Variants in SYT6 observed in about 807,000 individuals in gnomAD.
The protein encoded by SYT6 is synaptotagmin-6.
SYT6 carries 24 observed loss-of-function variants against 38.4 expected under a neutral mutation model. The ratio of observed to expected loss-of-function variants is 0.62; its 90% CI spans 0.45 to 0.88. The LOEUF is 0.88. SYT6 is among the 40% of genes least tolerant of loss of function. The pLI, the probability that SYT6 is intolerant of heterozygous loss-of-function variation, is 0.00. For missense variants in SYT6, 611 were observed against 621.0 expected, an observed-to-expected ratio of 0.98 and a Z score of 0.17; for synonymous variants, 265 against 241.9, an observed-to-expected ratio of 1.10 and a Z score of -0.89.
intron 3 of SYT6, among the ~76,000 whole-genome samples, chr1:114,107,739 C>T (rs143663595): frequency 8.5e-4 from 129 of 152,340 alleles, no homozygotes; most frequent in African/African-American, 2.3e-3. Flanking sequence ...GGCCCCAGCT[C>T]GGCCCTCACC....
At chr1:114,139,528 T>C in intron 2 of SYT6, 87 bp downstream of exon 2, 5 of 1,547,660 alleles carry the variant, frequency 3.2e-6, no homozygotes, top group Non-Finnish European at 4.4e-6. Context: ...ATTTCTGGTC[T>C]GTGATCCCCA....
At chr1:114,101,497 CTTA>C (rs2101631108) in intron 4 of SYT6, among the ~76,000 whole-genome samples, 1 of 152,256 alleles carries the variant, frequency 6.6e-6, no homozygotes, top group Non-Finnish European at 1.5e-5. Context: ...CATACTGGTC[CTTA>C]TTATTATTTT....
Position 114,137,882 on chromosome 1 carries a change from C to G in SYT6, c.684G>C (p.Lys228Asn), listed in dbSNP as rs1195421458. Residue 228 changes from lysine to asparagine, a missense_variant, in exon 3 of 8, where the codon AAG (lysine) becomes AAC (asparagine). Physicochemically the swap from Lys to Asn is moderately conservative, Grantham distance 94. Transcript: ENST00000610222. The part of the protein sequence containing the change: ...DGEDAKSEAT[K>N]SCGKINFSLR... Reference sequence around the variant, plus strand: ...GGCTGAAGTTGATCTTCCCGCAGCTCTTGGTGGCCTCAGACTTGGCATCCT... The same window carrying G: ...GGCTGAAGTTGATCTTCCCGCAGCTGTTGGTGGCCTCAGACTTGGCATCCT... 1 of 1,614,072 alleles carries G rather than the reference C, an allele frequency of 6.2e-7. No individual in the cohort carries two copies. Among genetic ancestry groups the G allele is most frequent in the East Asian group, 2.2e-5 (1 of 44,874 alleles).
intron 3 of SYT6, among the ~76,000 whole-genome samples, chr1:114,120,442 G>C (rs565744228): frequency 1.3e-5 from 2 of 152,238 alleles, no homozygotes; most frequent in South Asian, 4.1e-4. Flanking sequence ...CATTGTGTAG[G>C]GGACTCGCTG....
intron 3 of SYT6, among the ~76,000 whole-genome samples, chr1:114,128,190 G>A (rs184804819): frequency 8.5e-5 from 13 of 152,330 alleles, no homozygotes; most frequent in East Asian, 7.7e-4. Context: ...TGGGGCTTCC[G>A]TGTAACCCTG....
rs1444042059 is a variant in SYT6, at chr1:114,090,231, G to A, written c.*1903C>T. 1 of 152,282 alleles carries A rather than the reference G, an allele frequency of 6.6e-6. No homozygotes were observed. The highest frequency in any genetic ancestry group is 1.5e-5 in the Non-Finnish European group (1 of 68,020). The allele number at this position is 152,282 out of a possible 1,614,324, so 9.4% of individuals were successfully genotyped here. On this transcript the variant is annotated 3_prime_UTR_variant, in exon 8 of 8. Transcript: ENST00000610222. ...TGCCAGGAATCTTGTCATGACCTTG[G>A]GTTTTTTCTCACTCTCAGGAGAACA...
intron 3 of SYT6, among the ~76,000 whole-genome samples, chr1:114,112,212 G>A (rs1192766991): frequency 6.6e-6 from 1 of 152,218 alleles, no homozygotes; most frequent in African/African-American, 2.4e-5. Context: ...CAGAGCTAAG[G>A]ACTGCCCCAT....
At chr1:114,138,108 G>A in intron 2 of SYT6, 55 bp from the exon 3 acceptor site, 2 of 1,526,902 alleles carry the variant, frequency 1.3e-6, no homozygotes, top group South Asian at 1.3e-5. Context: ...AGGGGAAGGG[G>A]GATGAAGGCA....
intron 1 of SYT6, among the ~76,000 whole-genome samples, chr1:114,153,252 C>G (rs1679540993): frequency 6.6e-6 from 1 of 152,222 alleles, no homozygotes; most frequent in Non-Finnish European, 1.5e-5. Context: ...TCGTCTCCCG[C>G]TCTCTCCATG....
At chr1:114,141,328 G>T (rs1678853636) in intron 1 of SYT6, among the ~76,000 whole-genome samples, 1 of 152,234 alleles carries the variant, frequency 6.6e-6, no homozygotes, top group Non-Finnish European at 1.5e-5. Context: ...CAGTCTTATT[G>T]CTGATGTGAA....
Position 114,150,762 on chromosome 1 carries a change from C to A in SYT6, c.163+2848G>T, listed in dbSNP as rs185373614. Among the ~76,000 whole-genome samples, 606 of 152,220 alleles carry A rather than the reference C, an allele frequency of 4.0e-3. 1 individual carries two copies. The highest frequency in any genetic ancestry group is 4.7e-3 in the Non-Finnish European group (318 of 68,014). On this transcript the variant is annotated intron_variant, in intron 1 of 7. Transcript: ENST00000610222. ...GGGGTGTATTAAGGAGAATAGCAGG[C>A]CTATGGCTTCAGAGTTTTTAAAGAA...
Position 114,153,720 on chromosome 1 carries a change from ACCGCGAGCGCCTCCTGGCACCGAGGC to A in SYT6, c.27_52del (p.Cys12LeufsTer80). 1.5e-6 allele frequency: 1 copy of A among 681,146 alleles called. No homozygotes were observed. The highest frequency in any genetic ancestry group is 2.9e-5 in the East Asian group (1 of 33,918). 42.2% of individuals were successfully genotyped at this position (681,146 alleles called of 1,614,324 possible). A position where few individuals can be genotyped will look rare whatever the true frequency, so the allele number is the denominator to read the frequency against. On this transcript the variant is annotated frameshift_variant, in exon 1 of 8. Coordinates refer to ENST00000610222, the MANE Select transcript of SYT6 (RefSeq NM_001253772.2). LOFTEE classifies it high-confidence loss of function. ...CCGGGCCCGGCACAGCGAGGCGAGG[ACCGCGAGCGCCTCCTGGCACCGAGGC>A]CCGCCGGCCCCCCACACTCCGCTCA...
chr1:114,112,654 G>A (rs966846999), intron 3 of SYT6, among the ~76,000 whole-genome samples: 4 of 152,234 alleles, frequency 2.6e-5, no homozygotes, highest in Non-Finnish European at 5.9e-5. Flanking sequence ...TGTGCCGTAG[G>A]GTGCTTGTGC....
chr1:114,109,396 G>A (rs1421238043), intron 3 of SYT6, among the ~76,000 whole-genome samples: 1 of 152,226 alleles, frequency 6.6e-6, no homozygotes, highest in Non-Finnish European at 1.5e-5. Flanking sequence ...GGTTGAGAAT[G>A]TGGATTTGGG....
chr1:114,144,921 G>A (rs1679078502), intron 1 of SYT6, among the ~76,000 whole-genome samples: 1 of 151,762 alleles, frequency 6.6e-6, no homozygotes, highest in African/African-American at 2.4e-5. Context: ...CAAGTCCTGA[G>A]CCACCTACCA....
At chr1:114,098,032 G>T (rs1407730489) in intron 5 of SYT6, among the ~76,000 whole-genome samples, 155 bp from the exon 6 acceptor site, 4 of 152,226 alleles carry the variant, frequency 2.6e-5, no homozygotes, top group African/African-American at 9.6e-5. Context: ...GGTGTCAGTG[G>T]CGGTGAAGCC....
chr1:114,106,273 G>C (rs1172183871), intron 3 of SYT6, among the ~76,000 whole-genome samples: 1 of 151,764 alleles, frequency 6.6e-6, no homozygotes, highest in Non-Finnish European at 1.5e-5. Flanking sequence ...ATTGCACATG[G>C]ACTGTGTGCC....
chr1:114,120,297 G>C (rs1677311170), intron 3 of SYT6, among the ~76,000 whole-genome samples: 1 of 152,114 alleles, frequency 6.6e-6, no homozygotes, highest in Non-Finnish European at 1.5e-5. Flanking sequence ...ACCAGGAATA[G>C]CTTAGTGTTT....
intron 3 of SYT6, among the ~76,000 whole-genome samples, chr1:114,107,162 G>C (rs1195270811): frequency 6.6e-6 from 1 of 152,152 alleles, no homozygotes; most frequent in Non-Finnish European, 1.5e-5. Context: ...GTCTCTTTTG[G>C]GGGAGTCTGA....
Sources: allele counts gnomAD v4.1 joint callset (sites outside exome capture counted in the v4.1 genomes callset), GRCh38; gene constraint gnomAD v4.1.1; transcripts MANE v1.5; gene names NCBI Gene and HGNC (gene_info 2026-07-23, HGNC 2026-07-21).